CCDC30: variants seen among roughly 807,000 people sequenced by gnomAD.
CCDC30 encodes the protein coiled-coil domain-containing protein 30.
CCDC30 carries 70 observed loss-of-function variants against 100.2 expected under a neutral mutation model. The observed-to-expected ratio is 0.70, with a 90% CI of 0.58 to 0.85. The LOEUF is 0.85. CCDC30 is among the 40% of genes least tolerant of loss of function. CCDC30 has a pLI of 0.00. For missense variants in CCDC30, 652 were observed against 771.2 expected (o/e 0.85, Z 1.83); for synonymous variants, 233 against 269.5 (o/e 0.86, Z 1.33).
chr1:42,606,276 G>A (rs1189519601), intron 10 of CCDC30, among the ~76,000 whole-genome samples: 1 of 152,164 alleles, frequency 6.6e-6, no homozygotes, highest in Non-Finnish European at 1.5e-5. Flanking sequence ...ATTGCAGTAA[G>A]TTTATTTATT....
chr1:42,611,209 A>G (rs1646616738), intron 11 of CCDC30, 119 bp downstream of exon 15: 1 of 558,740 alleles, frequency 1.8e-6, no homozygotes, highest in African/African-American at 1.9e-5. Context: ...GAGGGCCATC[A>G]TAAAATTCCT....
chr1:42,602,129 G>A (rs1443741376), intron 10 of CCDC30, among the ~76,000 whole-genome samples: 4 of 151,358 alleles, frequency 2.6e-5, no homozygotes, highest in African/African-American at 2.4e-5. Flanking sequence ...ATATACAGAG[G>A]AGGAAAAAAA....
chr1:42,655,558 TAAAATAAAATAAAATA>T (rs1353089675), downstream of CCDC30, among the ~76,000 whole-genome samples: 3 of 151,266 alleles, frequency 2.0e-5, no homozygotes, highest in African/African-American at 7.3e-5. Flanking sequence ...AAAAAATAAA[TAAAATAAAATAAAATA>T]AAAGTGGATA....
Position 42,638,559 on chromosome 1 carries a change from C to CAAA in CCDC30, c.1419+1196_1419+1198dup, listed in dbSNP as rs55773821. The stretch of plus-strand genomic sequence containing the variant: ...AATCCATTTTAATAGCACCCATGGG[C>CAAA]AAAAAAAAAAAAAAAAAGAAAAGAA... On this transcript the variant is annotated intron_variant, in intron 12 of 16. Coordinates refer to ENST00000668663, the Ensembl canonical transcript of CCDC30. 1.7e-5 allele frequency among the ~76,000 whole-genome samples: 2 copies of CAAA among 116,388 alleles called. 1 individual carries two copies. Among genetic ancestry groups the CAAA allele is most frequent in the African/African-American group, 6.3e-5 (2 of 31,686 alleles). The allele number at this position is 116,388 out of a possible 152,430, so 76.4% of individuals were successfully genotyped here. A position where few individuals can be genotyped will look rare whatever the true frequency, so the allele number is the denominator to read the frequency against.
At chr1:42,639,081 TG>T (rs1647226079) in intron 12 of CCDC30, among the ~76,000 whole-genome samples, 2 of 152,202 alleles carry the variant, frequency 1.3e-5, no homozygotes, top group South Asian at 4.1e-4. Flanking sequence ...TACACTGGGT[TG>T]AATAGCGTCC....
chr1:42,631,691 A>G (rs1327943702), intron 11 of CCDC30, among the ~76,000 whole-genome samples: 1 of 152,084 alleles, frequency 6.6e-6, no homozygotes, highest in Non-Finnish European at 1.5e-5. Flanking sequence ...TCAAACCCGA[A>G]AATGCAGTCC....
Position 42,586,072 on chromosome 1 carries a change from C to T in CCDC30, c.1002-3249C>T, listed in dbSNP as rs558743220. Among the ~76,000 whole-genome samples the T allele has an allele frequency of 6.6e-5, 10 of 152,242 alleles. No individual in the cohort carries two copies. In the South Asian group the frequency reaches 1.7e-3, roughly 25 times the overall value. On this transcript the variant is annotated intron_variant, in intron 9 of 16. Transcript: ENST00000668663. ...TAGGTTGCCATGATAGTACATAACACGGATATCTATGGAGTGAGGGAGCTT... is the reference window on the plus strand; with the variant it reads ...TAGGTTGCCATGATAGTACATAACATGGATATCTATGGAGTGAGGGAGCTT...
rs370812877 is a variant in CCDC30, at chr1:42,542,538, TC to T, written c.457-23757del. ...CCACACCTGGCTAATTTTAAATTTT[TC>T]TTTTTTTTTTTTTTTTTTTTTTGAG... is the stretch of plus-strand genomic sequence containing the variant. On this transcript the variant is annotated intron_variant, in intron 6 of 16. Transcript: ENST00000668663. 5.9e-4 allele frequency among the ~76,000 whole-genome samples: 67 copies of T among 114,412 alleles called. 1 individual carries two copies. Among genetic ancestry groups the T allele is most frequent in the African/African-American group, 1.9e-3 (59 of 30,400 alleles). The allele number at this position is 114,412 out of a possible 152,430, so 75.1% of individuals were successfully genotyped here. A position where few individuals can be genotyped will look rare whatever the true frequency, so the allele number is the denominator to read the frequency against.
chr1:42,547,230 GTAGGGAAAGAGAAAGTCTAGTT>G (rs1300044151), intron 6 of CCDC30, among the ~76,000 whole-genome samples: 1 of 152,202 alleles, frequency 6.6e-6, no homozygotes, highest in Non-Finnish European at 1.5e-5. Context: ...TAGGTTTGCT[GTAGGGAAAGAGAAAGTCTAGTT>G]CTTGAGCACT....
chr1:42,583,363 T>A (rs930998587), intron 9 of CCDC30, among the ~76,000 whole-genome samples: 1 of 152,226 alleles, frequency 6.6e-6, no homozygotes, highest in Admixed American at 6.5e-5. Context: ...ATGTATGCAC[T>A]ATTTAAACTA....
chr1:42,616,638 A>G (rs1646732500), intron 11 of CCDC30, among the ~76,000 whole-genome samples: 1 of 152,224 alleles, frequency 6.6e-6, no homozygotes, highest in Admixed American at 6.5e-5. Flanking sequence ...GTTGTTCCTA[A>G]ATTTTAGAAC....
chr1:42,576,204 C>T (rs1181833930), intron 7 of CCDC30, among the ~76,000 whole-genome samples: 1 of 152,178 alleles, frequency 6.6e-6, no homozygotes, highest in East Asian at 1.9e-4. Context: ...GTGGTAGGAC[C>T]AGTGCAGAGG....
chr1:42,567,443 A>G (rs758514936), intron 7 of CCDC30, among the ~76,000 whole-genome samples: 3 of 152,190 alleles, frequency 2.0e-5, no homozygotes, highest in Admixed American at 6.6e-5. Context: ...ATAAACATGG[A>G]TAAGAAAGGT....
chr1:42,642,435 C>A, intron 12 of CCDC30, 38 bp from the exon 17 acceptor site: 1 of 1,434,602 alleles, frequency 7.0e-7, no homozygotes, highest in Non-Finnish European at 9.2e-7. Flanking sequence ...ATCATACTTT[C>A]TCCTGCTGTG....
At chr1:42,569,527 T>G (rs1645686528) in intron 7 of CCDC30, among the ~76,000 whole-genome samples, 1 of 152,200 alleles carries the variant, frequency 6.6e-6, no homozygotes, top group Non-Finnish European at 1.5e-5. Context: ...ACACTGTTGG[T>G]GGGAGTGTAA....
At chr1:42,586,654 C>G (rs1646076476) in intron 9 of CCDC30, among the ~76,000 whole-genome samples, 1 of 152,098 alleles carries the variant, frequency 6.6e-6, no homozygotes, top group African/African-American at 2.4e-5. Flanking sequence ...ATTTCTCATG[C>G]AGAATATATC....
At chr1:42,653,478 T>C (rs1373576974) in intron 16 of CCDC30, 35 bp downstream of exon 20, 1 of 1,346,850 alleles carries the variant, frequency 7.4e-7, no homozygotes. Flanking sequence ...GTCAAGTCTA[T>C]CTGAGATGGA....
intron 6 of CCDC30, among the ~76,000 whole-genome samples, chr1:42,533,449 A>G (rs1644840038): frequency 6.6e-6 from 1 of 152,238 alleles, no homozygotes; most frequent in Admixed American, 6.5e-5. Context: ...AAGCAGGAGT[A>G]TTCCCATTAC....
At chr1:42,512,154 T>C (rs1644488207) in intron 6 of CCDC30, among the ~76,000 whole-genome samples, 1 of 152,208 alleles carries the variant, frequency 6.6e-6, no homozygotes, top group Admixed American at 6.5e-5. Context: ...TTGTTTGTGG[T>C]TTAAGAACAC....
Sources: gnomAD v4.1 joint callset for allele counts (sites outside exome capture counted in the v4.1 genomes callset) on GRCh38, gnomAD v4.1.1 for gene constraint, MANE v1.5 for transcripts, NCBI Gene and HGNC (gene_info 2026-07-23, HGNC 2026-07-21) for gene names.